MTDH: variants seen among roughly 807,000 people sequenced by gnomAD.
The protein encoded by MTDH is protein LYRIC.
In MTDH, 34 loss-of-function variants were observed where a neutral mutation model predicts 72.7. That is an observed-to-expected ratio of 0.47 (90% CI 0.36 to 0.62). The LOEUF (loss-of-function observed/expected upper bound fraction) is 0.62, where lower values mean the gene tolerates loss of function less well. Among genes scored for constraint, MTDH ranks in the 20% least tolerant of loss-of-function variants. The pLI is 0.00. For synonymous variants in MTDH, 266 were observed against 268.9 expected (o/e 0.99, Z 0.10); for missense variants, 677 against 699.4 (o/e 0.97, Z 0.36).
In MTDH at chr8:97,727,352, T is replaced by C. The variant is rs1016136524; in HGVS notation, c.*2682T>C. 1 of 151,632 alleles carries C rather than the reference T, an allele frequency of 6.6e-6. No homozygotes were observed. Among genetic ancestry groups the C allele is most frequent in the Non-Finnish European group, 1.5e-5 (1 of 68,030 alleles). The allele number at this position is 151,632 out of a possible 1,614,324, so 9.4% of individuals were successfully genotyped here. A position where few individuals can be genotyped will look rare whatever the true frequency, so the allele number is the denominator to read the frequency against. On this transcript the variant is annotated 3_prime_UTR_variant, in exon 12 of 12. Transcript: ENST00000336273. ...CCATCTCTACAAAATTTGCAAAAAGTAGATGGGTGTGGTAGTGGGCGCCTG... is the reference window on the plus strand; with the variant it reads ...CCATCTCTACAAAATTTGCAAAAAGCAGATGGGTGTGGTAGTGGGCGCCTG...
intron 6 of MTDH, among the ~76,000 whole-genome samples, chr8:97,693,966 C>T (rs1340658734): frequency 3.3e-5 from 5 of 151,844 alleles, no homozygotes; most frequent in African/African-American, 7.3e-5. Flanking sequence ...CCACCTGCCT[C>T]GGCTTCTCAC....
chr8:97,663,166 T>G (rs904192002), intron 2 of MTDH, among the ~76,000 whole-genome samples: 10 of 152,174 alleles, frequency 6.6e-5, no homozygotes, highest in African/African-American at 2.4e-4. Flanking sequence ...TTCTACTCCC[T>G]GAATTGCCCT....
intron 8 of MTDH, 125 bp from the exon 9 acceptor site, chr8:97,713,537 A>C: frequency 3.6e-6 from 2 of 555,258 alleles, no homozygotes; most frequent in Non-Finnish European, 6.3e-6. Context: ...ACTTATTACT[A>C]GTTTTTATTT....
chr8:97,700,328 T>TA (rs924580398), intron 7 of MTDH, among the ~76,000 whole-genome samples: 52 of 147,870 alleles, frequency 3.5e-4, no homozygotes, highest in South Asian at 1.1e-3. Flanking sequence ...CGTCTTCATT[T>TA]AAAAAAAAAA....
At chr8:97,669,875 A>G (rs1471315111) in intron 2 of MTDH, among the ~76,000 whole-genome samples, 1 of 146,942 alleles carries the variant, frequency 6.8e-6, no homozygotes, top group Non-Finnish European at 1.5e-5. Context: ...TGGAGCAGAG[A>G]TCGCACCACT....
At chr8:97,706,893 A>G (rs1017468353) in intron 8 of MTDH, 143 bp downstream of exon 8, 10 of 806,684 alleles carry the variant, frequency 1.2e-5, no homozygotes, top group Non-Finnish European at 1.6e-5. Flanking sequence ...AGCCTGGGCA[A>G]CATAGCGAGA....
chr8:97,677,450 C>G (rs973288289), intron 2 of MTDH, among the ~76,000 whole-genome samples: 1 of 147,850 alleles, frequency 6.8e-6, no homozygotes, highest in African/African-American at 2.5e-5. Flanking sequence ...GAGATCATGC[C>G]ACTGCACTCT....
At chr8:97,655,806 T>A (rs1246771671) in intron 1 of MTDH, among the ~76,000 whole-genome samples, 1 of 152,070 alleles carries the variant, frequency 6.6e-6, no homozygotes, top group Non-Finnish European at 1.5e-5. Context: ...TTAAGAAAAA[T>A]TTTAAAAAGA....
chr8:97,699,963 C>A, intron 7 of MTDH, 111 bp downstream of exon 7: 1 of 612,920 alleles, frequency 1.6e-6, no homozygotes. Flanking sequence ...CTTTAAAGGT[C>A]ATAAGAATAT....
chr8:97,718,527 T>C (rs199933545), intron 9 of MTDH, among the ~76,000 whole-genome samples: 2 of 55,520 alleles, frequency 3.6e-5, no homozygotes, highest in African/African-American at 6.7e-4. Flanking sequence ...GTTTTTTTTG[T>C]TTTTTTTTTG....
In MTDH at chr8:97,644,521, C is replaced by T; in HGVS notation, c.15C>T (p.Ser5=). Residue 5 remains serine (S), a synonymous_variant, in exon 1 of 12, where the codon AGC becomes AGT. Coordinates refer to ENST00000336273, the MANE Select transcript of MTDH (RefSeq NM_178812.4). The part of the protein sequence containing the change: MAAR[S]WQDELAQQAE... ...CGGGAGGGAAGATGGCTGCACGGAG[C>T]TGGCAGGACGAGCTGGCCCAGCAGG... 2 of 1,589,796 alleles carry T rather than the reference C, an allele frequency of 1.3e-6. No individual in the cohort carries two copies. The highest frequency in any genetic ancestry group is 2.3e-5 in the East Asian group (1 of 43,890).
At chr8:97,663,850 C>G (rs1812272376) in intron 2 of MTDH, among the ~76,000 whole-genome samples, 1 of 151,712 alleles carries the variant, frequency 6.6e-6, no homozygotes, top group South Asian at 2.1e-4. Context: ...AGTATTATAT[C>G]CATCTTACAA....
At chr8:97,677,328 C>A (rs568471944) in intron 2 of MTDH, among the ~76,000 whole-genome samples, 2 of 150,424 alleles carry the variant, frequency 1.3e-5, no homozygotes, top group Non-Finnish European at 3.0e-5. Context: ...CCCGTCTCTA[C>A]TAAAAATAAA....
In MTDH at chr8:97,682,268, A is replaced by T. The variant is rs1488090599; in HGVS notation, c.484-4400A>T. ...TATATATATATATATATATATATATATATATATATATATTTTTTTTTTTTT... is the reference window on the plus strand; with the variant it reads ...TATATATATATATATATATATATATTTATATATATATATTTTTTTTTTTTT... On this transcript the variant is annotated intron_variant, in intron 2 of 11. Coordinates refer to ENST00000336273, the MANE Select transcript of MTDH (RefSeq NM_178812.4). 0.01 allele frequency among the ~76,000 whole-genome samples: 64 copies of T among 6,372 alleles called. 6 individuals are homozygous for T. The East Asian group carries it at 0.17, about 17-fold the overall frequency. The allele number at this position is 6,372 out of a possible 152,430, so 4.2% of individuals were successfully genotyped here.
intron 1 of MTDH, among the ~76,000 whole-genome samples, chr8:97,647,812 C>G (rs1198842617): frequency 6.6e-6 from 1 of 152,078 alleles, no homozygotes; most frequent in Non-Finnish European, 1.5e-5. Context: ...GGCACAGTGG[C>G]TTATGCCTGT....
chr8:97,684,926 TGTG>T (rs1192190133), intron 2 of MTDH, among the ~76,000 whole-genome samples: 19 of 152,050 alleles, frequency 1.2e-4, no homozygotes, highest in Non-Finnish European at 8.8e-5. Flanking sequence ...ATTATACAGA[TGTG>T]GTGGTGGGCA....
Position 97,691,207 on chromosome 8 carries a change from A to T in MTDH, c.1048+19A>T. On this transcript the variant is annotated intron_variant, in intron 6 of 11. Transcript: ENST00000336273. ...GGCATTGGTAAGAAGTGTTAGAAAA[A>T]TTTAACTTTATTTAAAATTACTAAT... 1 of 1,485,076 alleles carries T rather than the reference A, an allele frequency of 6.7e-7. No homozygotes were observed. Among genetic ancestry groups the T allele is most frequent in the Non-Finnish European group, 9.1e-7 (1 of 1,102,836 alleles). 92.0% of individuals were successfully genotyped at this position (1,485,076 alleles called of 1,614,324 possible). A position where few individuals can be genotyped will look rare whatever the true frequency, so the allele number is the denominator to read the frequency against.
intron 2 of MTDH, among the ~76,000 whole-genome samples, chr8:97,669,790 C>T (rs1421077606): frequency 6.6e-6 from 1 of 152,096 alleles, no homozygotes; most frequent in Non-Finnish European, 1.5e-5. Flanking sequence ...ATGGCACACG[C>T]CTGTAATCCC....
At chr8:97,676,971 C>T (rs1347374624) in intron 2 of MTDH, among the ~76,000 whole-genome samples, 2 of 135,070 alleles carry the variant, frequency 1.5e-5, no homozygotes, top group East Asian at 2.3e-4. Flanking sequence ...TGCCATTGCA[C>T]TCCAGCCTGG....
Sources: gnomAD v4.1 joint callset for allele counts (sites outside exome capture counted in the v4.1 genomes callset) on GRCh38, gnomAD v4.1.1 for gene constraint, MANE v1.5 for transcripts, NCBI Gene and HGNC (gene_info 2026-07-23, HGNC 2026-07-21) for gene names.